DYSF: variants seen among roughly 807,000 people sequenced by gnomAD.
DYSF encodes dystrophy-associated fer-1-like 1.
DYSF carries 212 observed loss-of-function variants against 274.9 expected under a neutral mutation model. The observed-to-expected ratio is 0.77, with a 90% CI of 0.69 to 0.86. DYSF has a LOEUF of 0.86. DYSF is among the 40% of genes least tolerant of loss of function. DYSF has a pLI of 0.00. For synonymous variants in DYSF, 1,091 were observed against 1,078.7 expected, an observed-to-expected ratio of 1.01 and a Z score of -0.22; for missense variants, 2,666 against 2,783.2, an observed-to-expected ratio of 0.96 and a Z score of 0.95.
At chr2:71,666,901 C>A (rs1469987404) in intron 47 of DYSF, among the ~76,000 whole-genome samples, 1 of 152,176 alleles carries the variant, frequency 6.6e-6, no homozygotes, top group Admixed American at 6.5e-5. Context: ...GCACGTGGTT[C>A]CTGCTCTGGA....
chr2:71,611,525 A>G lies in DYSF; in HGVS notation c.4120A>G (p.Ser1374Gly), dbSNP rs2093761397. The change falls in exon 38 of 56, where the codon AGC becomes GGC. Residue 1374 changes from serine (S) to glycine (G), a missense_variant. Transcript: ENST00000410020. ...SYQLANISSP[S>G]LVVECGGQTV... ...CCAGCTGGCCAACATCTCCTCCCCC[A>G]GCCTCGTGGTAGAGTGTGGGGGCCA... is the stretch of plus-strand genomic sequence containing the variant. 6.2e-7 allele frequency: 1 copy of G among 1,614,152 alleles called. No individual in the cohort carries two copies. The highest frequency in any genetic ancestry group is 8.5e-7 in the Non-Finnish European group (1 of 1,180,024).
chr2:71,496,667 C>T (rs960581994), intron 3 of DYSF, among the ~76,000 whole-genome samples: 1 of 152,000 alleles, frequency 6.6e-6, no homozygotes, highest in Non-Finnish European at 1.5e-5. Context: ...GGTATGGGCT[C>T]AGAGTGGCTG....
chr2:71,654,668 C>T (rs535278791), intron 42 of DYSF, among the ~76,000 whole-genome samples: 1 of 152,020 alleles, frequency 6.6e-6, no homozygotes, highest in South Asian at 2.1e-4. Flanking sequence ...AAATGTTCAT[C>T]ATATCTTGTG....
intron 27 of DYSF, 45 bp from the exon 28 acceptor site, chr2:71,570,184 C>T: frequency 6.4e-7 from 1 of 1,550,810 alleles, no homozygotes; most frequent in Non-Finnish European, 8.9e-7. Flanking sequence ...CTGCTCACAT[C>T]TGTCTGTCTC....
chr2:71,541,859 A>G (rs2089957576), intron 17 of DYSF, among the ~76,000 whole-genome samples: 1 of 152,024 alleles, frequency 6.6e-6, no homozygotes, highest in Non-Finnish European at 1.5e-5. Context: ...TCCTGACTAG[A>G]TGCTGCTCAT....
rs545152183 is a variant in DYSF at position 71,499,252 on chromosome 2, G to T, written c.240-3962G>T. Among the ~76,000 whole-genome samples the T allele has an allele frequency of 6.6e-5, 10 of 152,116 alleles. No individual in the cohort carries two copies. The East Asian group carries it at 1.9e-3, about 29-fold the overall frequency. On this transcript the variant is annotated intron_variant, in intron 3 of 55. Transcript: ENST00000410020. Reference sequence around the variant, plus strand: ...AGTAGCTTATTATACATGCTCTTTTGCACCTTGTTTTATCACTTAACAGTG... The same window carrying T: ...AGTAGCTTATTATACATGCTCTTTTTCACCTTGTTTTATCACTTAACAGTG...
intron 7 of DYSF, among the ~76,000 whole-genome samples, 154 bp from the exon 8 acceptor site, chr2:71,515,469 A>T (rs757572119): frequency 2.6e-5 from 4 of 152,176 alleles, no homozygotes; most frequent in Non-Finnish European, 4.4e-5. Context: ...AAAATATGAT[A>T]GTTCGTATAA....
At chr2:71,517,478 A>G (rs2086779293) in intron 10 of DYSF, among the ~76,000 whole-genome samples, 1 of 152,212 alleles carries the variant, frequency 6.6e-6, no homozygotes, top group Admixed American at 6.5e-5. Flanking sequence ...CAAATGGCTT[A>G]TTTAGTTTCT....
intron 40 of DYSF, among the ~76,000 whole-genome samples, chr2:71,618,265 A>AGGTGG (rs1353615580): frequency 8.9e-5 from 2 of 22,412 alleles, no homozygotes; most frequent in African/African-American, 2.9e-4. Context: ...TGTGTGGTAG[A>AGGTGG]GGTGTGTGTG....
chr2:71,617,775 AGGT>A (rs1275935526), intron 40 of DYSF, among the ~76,000 whole-genome samples: 16 of 73,208 alleles, frequency 2.2e-4, no homozygotes, highest in African/African-American at 3.5e-4. Context: ...TGTGTGGTAG[AGGT>A]GGTGTGTGTG....
chr2:71,657,123 G>A lies in DYSF; in HGVS notation c.4755+833G>A, dbSNP rs577845899. Among the ~76,000 whole-genome samples, 13 of 152,300 alleles carry A rather than the reference G, an allele frequency of 8.5e-5. No homozygotes were observed. The East Asian group carries it at 2.3e-3, about 27-fold the overall frequency. ...CTTCCTAGATACAATGGGGGTGCAG[G>A]TATTGGGTAAATACAGCCATTCCAA... is the stretch of plus-strand genomic sequence containing the variant. On this transcript the variant is annotated intron_variant, in intron 43 of 55. Coordinates refer to ENST00000410020, the MANE Select transcript of DYSF (RefSeq NM_001130987.2).
upstream of DYSF, among the ~76,000 whole-genome samples, chr2:71,464,667 G>A (rs771920748): frequency 1.6e-4 from 25 of 152,156 alleles, no homozygotes; most frequent in Non-Finnish European, 5.9e-5. Flanking sequence ...AGGTCAGCGA[G>A]GTCAGCCAGG....
intron 41 of DYSF, among the ~76,000 whole-genome samples, chr2:71,638,145 C>T (rs571520713): frequency 6.6e-6 from 1 of 151,806 alleles, no homozygotes; most frequent in East Asian, 1.9e-4. Flanking sequence ...CTCTTATTTC[C>T]TTAGAAAGAA....
Position 71,564,241 on chromosome 2 carries a change from A to G in DYSF, c.2565+28A>G, listed in dbSNP as rs754644329. On this transcript the variant is annotated intron_variant, in intron 24 of 55. Coordinates refer to ENST00000410020, the MANE Select transcript of DYSF (RefSeq NM_001130987.2). Reference sequence around the variant, plus strand: ...GAGTTTTCTTTTTTCCCAAGTCATGATCGTATTTTTCCCAACATAAGGCCT... The same window carrying G: ...GAGTTTTCTTTTTTCCCAAGTCATGGTCGTATTTTTCCCAACATAAGGCCT... 3.1e-6 allele frequency: 5 copies of G among 1,614,060 alleles called. No individual in the cohort carries two copies. The South Asian group carries it at 3.3e-5, about 11-fold the overall frequency.
chr2:71,671,335 A>G (rs1344006869), intron 51 of DYSF, among the ~76,000 whole-genome samples: 2 of 152,216 alleles, frequency 1.3e-5, no homozygotes, highest in East Asian at 3.9e-4. Context: ...CTTCCCTGAC[A>G]TGAGCCTGTT....
intron 32 of DYSF, among the ~76,000 whole-genome samples, chr2:71,594,147 G>A (rs888444427): frequency 3.3e-5 from 5 of 152,134 alleles, no homozygotes; most frequent in East Asian, 3.9e-4. Flanking sequence ...CTTGATGACC[G>A]GTGCCTTAGT....
intron 4 of DYSF, among the ~76,000 whole-genome samples, chr2:71,506,189 G>A (rs930121244): frequency 6.6e-6 from 1 of 152,172 alleles, no homozygotes; most frequent in African/African-American, 2.4e-5. Context: ...GGTCGAGGAA[G>A]TAGGTGGCGC....
intron 19 of DYSF, among the ~76,000 whole-genome samples, chr2:71,552,289 C>T (rs561934804): frequency 6.6e-6 from 1 of 152,202 alleles, no homozygotes; most frequent in Non-Finnish European, 1.5e-5. Context: ...CTAGCACTTA[C>T]CGGCTGCATC....
chr2:71,616,247 T>G (rs1049252997), intron 40 of DYSF, among the ~76,000 whole-genome samples: 5 of 152,132 alleles, frequency 3.3e-5, no homozygotes, highest in Non-Finnish European at 5.9e-5. Flanking sequence ...AGGTCTGTGC[T>G]CAGCATCCCA....
Sources: gnomAD v4.1 joint callset for allele counts (sites outside exome capture counted in the v4.1 genomes callset) on GRCh38, gnomAD v4.1.1 for gene constraint, MANE v1.5 for transcripts, NCBI Gene and HGNC (gene_info 2026-07-23, HGNC 2026-07-21) for gene names.